Variants in BBX observed in about 807,000 individuals in gnomAD.
The protein encoded by BBX is HMG box transcription factor BBX.
BBX carries 30 observed loss-of-function variants against 100.2 expected under a neutral mutation model. That is an observed-to-expected ratio of 0.30 (90% CI 0.22 to 0.41). The LOEUF is 0.41. Ranked by LOEUF, BBX falls within the 10% of genes least tolerant of loss-of-function variation. The pLI is 1.00. For synonymous variants in BBX, 376 were observed against 388.1 expected, an observed-to-expected ratio of 0.97 and a Z score of 0.37; for missense variants, 1,023 against 1,129.8, an observed-to-expected ratio of 0.91 and a Z score of 1.35.
chr3:107,710,711 A>G, intron 4 of BBX, 89 bp downstream of exon 4: 2 of 1,270,558 alleles, frequency 1.6e-6, no homozygotes, highest in Non-Finnish European at 2.1e-6. Flanking sequence ...ATATTACAAA[A>G]GTGTTTCCAA....
chr3:107,799,950 A>T (rs1026248227), intron 16 of BBX, among the ~76,000 whole-genome samples: 1 of 151,898 alleles, frequency 6.6e-6, no homozygotes. Context: ...GCCTCTCAGC[A>T]CCTCCGCAAT....
chr3:107,609,282 T>C (rs1240281243), intron 2 of BBX, among the ~76,000 whole-genome samples: 3 of 152,164 alleles, frequency 2.0e-5, no homozygotes, highest in Non-Finnish European at 4.4e-5. Flanking sequence ...TTGAATTAAG[T>C]TTGTTAGTAT....
At chr3:107,525,657 A>G (rs1222884049) in intron 1 of BBX, among the ~76,000 whole-genome samples, 1 of 152,054 alleles carries the variant, frequency 6.6e-6, no homozygotes, top group Non-Finnish European at 1.5e-5. Context: ...CCGGGGTGGG[A>G]TCCCTCGCTC....
At chr3:107,613,832 C>G (rs1009778841) in intron 2 of BBX, among the ~76,000 whole-genome samples, 2 of 151,452 alleles carry the variant, frequency 1.3e-5, no homozygotes, top group Admixed American at 1.3e-4. Flanking sequence ...CAGTCATTTT[C>G]CTATTTTTTC....
At chr3:107,523,278 G>T (rs2047495501) in intron 1 of BBX, among the ~76,000 whole-genome samples, 171 bp downstream of exon 1, 1 of 151,988 alleles carries the variant, frequency 6.6e-6, no homozygotes, top group Admixed American at 6.5e-5. Flanking sequence ...GGAAGACGGA[G>T]GGAACCCCGC....
chr3:107,608,635 A>G (rs1311853717), intron 2 of BBX, among the ~76,000 whole-genome samples: 2 of 152,152 alleles, frequency 1.3e-5, no homozygotes, highest in African/African-American at 4.8e-5. Flanking sequence ...ATTATATTCA[A>G]TCCGTAGATT....
At chr3:107,697,760 G>T (rs948279890) in intron 3 of BBX, among the ~76,000 whole-genome samples, 1 of 151,828 alleles carries the variant, frequency 6.6e-6, no homozygotes, top group Non-Finnish European at 1.5e-5. Flanking sequence ...GTTTACCTAA[G>T]CAAGCCTGGG....
intron 3 of BBX, among the ~76,000 whole-genome samples, chr3:107,665,941 C>T (rs1368536933): frequency 6.6e-6 from 1 of 152,148 alleles, no homozygotes; most frequent in African/African-American, 2.4e-5. Context: ...GCTTGGGACA[C>T]CTCAACTCCA....
chr3:107,803,583 A>G (rs2070753841), intron 17 of BBX, among the ~76,000 whole-genome samples: 2 of 152,258 alleles, frequency 1.3e-5, no homozygotes, highest in Admixed American at 1.3e-4. Context: ...GAGAGTTGGA[A>G]CAAACCTTTG....
intron 2 of BBX, among the ~76,000 whole-genome samples, chr3:107,600,266 G>A (rs2053972788): frequency 6.6e-6 from 1 of 152,180 alleles, no homozygotes; most frequent in Non-Finnish European, 1.5e-5. Flanking sequence ...AATACCTAAG[G>A]AAGCATGGAG....
chr3:107,769,663 A>G (rs1196172173), intron 10 of BBX, among the ~76,000 whole-genome samples: 1 of 152,164 alleles, frequency 6.6e-6, no homozygotes, highest in Non-Finnish European at 1.5e-5. Flanking sequence ...CGTATGAGCA[A>G]GAGTGAATTC....
At chr3:107,754,741 C>A (rs560323555) in intron 9 of BBX, among the ~76,000 whole-genome samples, 125 of 152,258 alleles carry the variant, frequency 8.2e-4, no homozygotes, top group Admixed American at 1.4e-3. Context: ...AATTCAGAAT[C>A]ACAAAGAATC....
intron 2 of BBX, among the ~76,000 whole-genome samples, chr3:107,586,852 G>A (rs2052886511): frequency 6.6e-6 from 1 of 151,950 alleles, no homozygotes; most frequent in Admixed American, 6.6e-5. Context: ...CGAGGTTCAA[G>A]CGATTCTCCT....
intron 2 of BBX, among the ~76,000 whole-genome samples, chr3:107,626,979 G>T: frequency 6.6e-6 from 1 of 152,080 alleles, no homozygotes; most frequent in Non-Finnish European, 1.5e-5. Context: ...ATGTTCTCAT[G>T]ACATTGCAGC....
At chr3:107,624,146 C>T (rs1559887030) in intron 2 of BBX, among the ~76,000 whole-genome samples, 3 of 152,154 alleles carry the variant, frequency 2.0e-5, no homozygotes, top group African/African-American at 7.2e-5. Flanking sequence ...TCAACCCTTC[C>T]TTACCTCTGC....
At chr3:107,784,659 T>C (rs2068237096) in intron 13 of BBX, among the ~76,000 whole-genome samples, 1 of 151,762 alleles carries the variant, frequency 6.6e-6, no homozygotes, top group African/African-American at 2.4e-5. Context: ...AAAGCAAACT[T>C]AGAGGGAGAA....
intron 2 of BBX, among the ~76,000 whole-genome samples, chr3:107,563,142 G>C (rs1437368078): frequency 6.6e-6 from 1 of 152,154 alleles, no homozygotes; most frequent in Non-Finnish European, 1.5e-5. Context: ...TGTGTGTGGA[G>C]GGAGGGAAGG....
intron 3 of BBX, among the ~76,000 whole-genome samples, chr3:107,691,041 G>A (rs1368993872): frequency 6.6e-6 from 1 of 151,310 alleles, no homozygotes; most frequent in African/African-American, 2.4e-5. Flanking sequence ...TAAGTAGCTA[G>A]GACCACCGGT....
intron 3 of BBX, among the ~76,000 whole-genome samples, chr3:107,646,392 A>C (rs1002212366): frequency 6.6e-6 from 1 of 152,258 alleles, no homozygotes; most frequent in South Asian, 2.1e-4. Context: ...TATGAAAACC[A>C]CATAATGAAG....
Sources: allele counts gnomAD v4.1 joint callset (sites outside exome capture counted in the v4.1 genomes callset), GRCh38; gene constraint gnomAD v4.1.1; transcripts MANE v1.5; gene names NCBI Gene and HGNC (gene_info 2026-07-23, HGNC 2026-07-21).